Variants in ATP2A1 observed in about 807,000 individuals in gnomAD.
The protein encoded by ATP2A1 is sarcoplasmic/endoplasmic reticulum calcium ATPase 1.
A neutral mutation model predicts 109.5 loss-of-function variants in ATP2A1; 83 were observed. The observed-to-expected ratio is 0.76, with a 90% CI of 0.63 to 0.91. The LOEUF is 0.91. Among genes scored for constraint, ATP2A1 ranks in the 40% least tolerant of loss-of-function variants. The pLI, the probability that ATP2A1 is intolerant of heterozygous loss-of-function variation, is 0.00. For synonymous variants in ATP2A1, 505 were observed against 537.6 expected (o/e 0.94, Z 0.84); for missense variants, 1,101 against 1,341.0 (o/e 0.82, Z 2.80).
In ATP2A1 at chr16:28,883,998, G is replaced by T. The variant is rs1307704135; in HGVS notation, c.464-577G>T. ...CTCCTCTCCTGCCTTGCCCTCCACT[G>T]TTCCTCTTGGTTGCCCTCGATTTTC... is the stretch of plus-strand genomic sequence containing the variant. On this transcript the variant is annotated intron_variant, in intron 5 of 22. Coordinates refer to ENST00000395503, the MANE Select transcript of ATP2A1 (RefSeq NM_004320.6). The surrounding 1 kb of genome is among the most constrained non-coding windows in gnomAD (Gnocchi z 5.2). 6.6e-6 allele frequency among the ~76,000 whole-genome samples: 1 copy of T among 151,982 alleles called. No individual in the cohort carries two copies. Among genetic ancestry groups the T allele is most frequent in the Non-Finnish European group, 1.5e-5 (1 of 68,014 alleles).
chr16:28,897,199 T>A (rs1450080771), intron 12 of ATP2A1, among the ~76,000 whole-genome samples: 7 of 152,198 alleles, frequency 4.6e-5, no homozygotes, highest in African/African-American at 1.7e-4. Flanking sequence ...TTTCTATCAT[T>A]ACTAAAAGTT....
At chr16:28,897,844 G>A (rs942675923) in intron 12 of ATP2A1, among the ~76,000 whole-genome samples, 156 bp from the exon 13 acceptor site, 3 of 152,300 alleles carry the variant, frequency 2.0e-5, no homozygotes, top group African/African-American at 7.2e-5. Context: ...GGACCCTGAA[G>A]CACTGTGGCA....
chr16:28,899,654 C>T (rs1360933176), intron 14 of ATP2A1, among the ~76,000 whole-genome samples: 1 of 113,858 alleles, frequency 8.8e-6, no homozygotes, highest in Non-Finnish European at 1.9e-5. Context: ...CCCGCCCCCC[C>T]CCCCCCGAAA....
chr16:28,897,968 G>T lies in ATP2A1; in HGVS notation c.1420-32G>T, dbSNP rs369684298. The T allele has an allele frequency of 4.3e-6, 7 of 1,613,488 alleles. No homozygotes were observed. The African/African-American group carries it at 9.3e-5, about 22-fold the overall frequency. Reference sequence around the variant, plus strand: ...CAGATTCTTTTTGACCATTTTAAGAGGACTGGTCTCCCCTCCCTGTCTCCT... The same window carrying T: ...CAGATTCTTTTTGACCATTTTAAGATGACTGGTCTCCCCTCCCTGTCTCCT... On this transcript the variant is annotated intron_variant, in intron 12 of 22. Transcript: ENST00000395503.
At chr16:28,895,060 C>T in intron 12 of ATP2A1, 107 bp downstream of exon 12, 1 of 1,515,444 alleles carries the variant, frequency 6.6e-7, no homozygotes, top group Non-Finnish European at 9.0e-7. Flanking sequence ...GTGCTGGGAC[C>T]CCACCCAGGC....
intron 9 of ATP2A1, 131 bp from the exon 10 acceptor site, chr16:28,894,024 G>T (rs908491075): frequency 1.4e-6 from 1 of 732,416 alleles, no homozygotes. Flanking sequence ...ATACGGGGGG[G>T]ATGAGGAGGG....
intron 6 of ATP2A1, 130 bp from the exon 7 acceptor site, chr16:28,887,059 A>G (rs774456493): frequency 6.6e-5 from 59 of 897,498 alleles, no homozygotes; most frequent in Non-Finnish European, 1.0e-4. Context: ...TCCAGAGTCC[A>G]GACATCCCCC....
intron 2 of ATP2A1, 157 bp from the exon 3 acceptor site, chr16:28,879,344 G>C: frequency 1.2e-6 from 1 of 867,346 alleles, no homozygotes; most frequent in Non-Finnish European, 1.9e-6. Context: ...GTCTGTTTCT[G>C]GACTCCAGGC....
At position 28,902,687 on chromosome 16, in the gene ATP2A1, G is replaced by A; in HGVS notation, c.2610+22G>A. 1 of 1,614,016 alleles carries A rather than the reference G, an allele frequency of 6.2e-7. No homozygotes were observed. Among genetic ancestry groups the A allele is most frequent in the South Asian group, 1.1e-5 (1 of 91,072 alleles). ...GCTGGTAGGGGGAGGCCACAAAGGAGGGGACCAGGAGGGTGTGGGGATGCA... is the reference window on the plus strand; with the variant it reads ...GCTGGTAGGGGGAGGCCACAAAGGAAGGGACCAGGAGGGTGTGGGGATGCA... On this transcript the variant is annotated intron_variant, in intron 18 of 22. Coordinates refer to ENST00000395503, the MANE Select transcript of ATP2A1 (RefSeq NM_004320.6). This position sits in a 1 kb window ranked among gnomAD's most constrained non-coding sequence, Gnocchi z 4.8.
At chr16:28,894,999 T>C in intron 12 of ATP2A1, 46 bp downstream of exon 12, 1 of 1,605,324 alleles carries the variant, frequency 6.2e-7, no homozygotes, top group Non-Finnish European at 8.5e-7. Flanking sequence ...CACTCTATGC[T>C]GCATAGACTA....
In ATP2A1 at chr16:28,892,865, C is replaced by T. The variant is rs148995861; in HGVS notation, c.1096-1290C>T. ...TTCGGGACCAGCCTGGCCAACATGGCGAAATTCCGTCTCTACTAAAAATAC... is the reference window on the plus strand; with the variant it reads ...TTCGGGACCAGCCTGGCCAACATGGTGAAATTCCGTCTCTACTAAAAATAC... On this transcript the variant is annotated intron_variant, in intron 9 of 22. Coordinates refer to ENST00000395503, the MANE Select transcript of ATP2A1 (RefSeq NM_004320.6). Among the ~76,000 whole-genome samples, 54 of 151,278 alleles carry T rather than the reference C, an allele frequency of 3.6e-4. No individual in the cohort carries two copies. The East Asian group carries it at 9.3e-3, about 26-fold the overall frequency.
In ATP2A1 at chr16:28,882,468, C is replaced by A; in HGVS notation, c.342C>A (p.Asn114Lys). Residue 114 changes from asparagine (N) to lysine (K), a missense_variant, in exon 5 of 23, where the codon AAC becomes AAA. Asn to Lys is a moderately conservative substitution (Grantham distance 94). Transcript: ENST00000395503. Reference sequence around the variant, plus strand: ...CTCCTCAGGAGCGGAACGCAGAGAACGCCATCGAGGCCCTGAAGGAGTATG... The same window carrying A: ...CTCCTCAGGAGCGGAACGCAGAGAAAGCCATCGAGGCCCTGAAGGAGTATG... ...VGVWQERNAE[N>K]AIEALKEYEP... 1 of 1,614,184 alleles carries A rather than the reference C, an allele frequency of 6.2e-7. No individual in the cohort carries two copies. Among genetic ancestry groups the A allele is most frequent in the South Asian group, 1.1e-5 (1 of 91,086 alleles).
At chr16:28,882,674 C>G (rs1672711629) in intron 5 of ATP2A1, 85 bp downstream of exon 5, 6 of 1,567,358 alleles carry the variant, frequency 3.8e-6, no homozygotes, top group Non-Finnish European at 5.2e-6. Flanking sequence ...GGCTCGGATC[C>G]AGGTGTCCAG....
chr16:28,903,452 C>CCA lies in ATP2A1; in HGVS notation c.2980+13_2980+14insAC. The CCA allele has an allele frequency of 6.2e-7, 1 of 1,604,904 alleles. No individual in the cohort carries two copies. On this transcript the variant is annotated intron_variant, in intron 21 of 22. Transcript: ENST00000395503. This position sits in a 1 kb window ranked among gnomAD's most constrained non-coding sequence, Gnocchi z 5.6. ...GAACTACCTAGAGGGTAAGGAGTGC[C>CCA]CTCTCTGTCCCAAGCCCTGGCCCCA...
intron 9 of ATP2A1, among the ~76,000 whole-genome samples, chr16:28,890,143 TAATAA>T (rs1963729297): frequency 6.6e-6 from 1 of 151,528 alleles, no homozygotes; most frequent in South Asian, 2.1e-4. Context: ...CTGTCTTAAA[TAATAA>T]AATGAAATGA....
chr16:28,878,903 C>T (rs777814727), intron 1 of ATP2A1, 114 bp downstream of exon 1: 16 of 1,363,020 alleles, frequency 1.2e-5, no homozygotes, highest in Non-Finnish European at 1.7e-5. Flanking sequence ...AGAGCTGGGC[C>T]GTTGTCCAAT....
intron 15 of ATP2A1, 60 bp from the exon 16 acceptor site, chr16:28,901,803 T>C: frequency 6.8e-7 from 1 of 1,465,084 alleles, no homozygotes; most frequent in East Asian, 2.4e-5. Flanking sequence ...AAATAAAACC[T>C]TTTTTAAAAA....
rs1400606087 is a variant in ATP2A1 at position 28,880,094 on chromosome 16, G to T, written c.219+511G>T. On this transcript the variant is annotated intron_variant, in intron 3 of 22. Transcript: ENST00000395503. The surrounding 1 kb of genome is among the most constrained non-coding windows in gnomAD (Gnocchi z 4.2). Reference sequence around the variant, plus strand: ...GATGACTCCAAGGAGCCCGGCGCCCGGTCAGGGAGGGCACTGGCATCCCTC... The same window carrying T: ...GATGACTCCAAGGAGCCCGGCGCCCTGTCAGGGAGGGCACTGGCATCCCTC... 2 of 995,982 alleles carry T rather than the reference G, an allele frequency of 2.0e-6. No individual in the cohort carries two copies. Among genetic ancestry groups the T allele is most frequent in the African/African-American group, 1.7e-5 (1 of 57,296 alleles). 61.7% of individuals were successfully genotyped at this position (995,982 alleles called of 1,614,324 possible).
intron 6 of ATP2A1, among the ~76,000 whole-genome samples, chr16:28,885,846 G>A (rs1279343500): frequency 6.6e-6 from 1 of 152,058 alleles, no homozygotes; most frequent in East Asian, 1.9e-4. Context: ...TCTAGGACAA[G>A]ATAGGGGGTT....
Sources: gnomAD v4.1 joint callset for allele counts (sites outside exome capture counted in the v4.1 genomes callset) on GRCh38, gnomAD v4.1.1 for gene constraint, Gnocchi (gnomAD v3.1) non-coding constraint, MANE v1.5 for transcripts, NCBI Gene and HGNC (gene_info 2026-07-23, HGNC 2026-07-21) for gene names.